Variants in PDE4D observed in about 807,000 individuals in gnomAD.
PDE4D encodes the protein phosphodiesterase 4D, also known as 3',5'-cyclic-AMP phosphodiesterase 4D.
Under a neutral mutation model 87.4 loss-of-function variants are expected in PDE4D, and 24 were observed. The ratio of observed to expected loss-of-function variants is 0.27; its 90% CI spans 0.20 to 0.39. The LOEUF is 0.39. PDE4D is among the 10% of genes least tolerant of loss of function. The pLI, the probability that PDE4D is intolerant of heterozygous loss-of-function variation, is 1.00. For synonymous variants in PDE4D, 384 were observed against 383.2 expected, an observed-to-expected ratio of 1.00 and a Z score of -0.02; for missense variants, 714 against 1,041.0, an observed-to-expected ratio of 0.69 and a Z score of 4.32.
intron 1 of PDE4D, among the ~76,000 whole-genome samples, chr5:59,612,323 C>T: frequency 6.8e-6 from 1 of 147,530 alleles, no homozygotes; most frequent in Non-Finnish European, 1.5e-5. Context: ...TTTTTTTTTA[C>T]AGATTCCAAC....
At chr5:60,097,265 TTGTGTG>T (rs57591657) in intron 2 of PDE4D, among the ~76,000 whole-genome samples, 2 of 146,480 alleles carry the variant, frequency 1.4e-5, no homozygotes, top group South Asian at 2.2e-4. Flanking sequence ...TGCTATGAAG[TTGTGTG>T]TGTGTGTGTG....
At chr5:59,574,016 A>G (rs1583179986) in intron 1 of PDE4D, among the ~76,000 whole-genome samples, 1 of 111,862 alleles carries the variant, frequency 8.9e-6, no homozygotes, top group Non-Finnish European at 1.8e-5. Context: ...ATATATATAT[A>G]TATATATATA....
At position 59,157,141 on chromosome 5, in the gene PDE4D, T is replaced by C. The variant is rs1581109742; in HGVS notation, c.808+23454A>G. Reference sequence around the variant, plus strand: ...TTAATGACATTAATACCCAGGATGGTACATTTCCATTGCTTCACAATTTTT... The same window carrying C: ...TTAATGACATTAATACCCAGGATGGCACATTTCCATTGCTTCACAATTTTT... On this transcript the variant is annotated intron_variant, in intron 5 of 14. Coordinates refer to ENST00000340635, the MANE Select transcript of PDE4D (RefSeq NM_001104631.2). The C allele has an allele frequency of 2.4e-5, 14 of 571,428 alleles. No individual in the cohort carries two copies. The South Asian group carries it at 3.2e-4, about 13-fold the overall frequency. The allele number at this position is 571,428 out of a possible 1,614,324, so 35.4% of individuals were successfully genotyped here. A position where few individuals can be genotyped will look rare whatever the true frequency, so the allele number is the denominator to read the frequency against.
At chr5:59,682,030 C>T (rs1423887753) in intron 1 of PDE4D, among the ~76,000 whole-genome samples, 1 of 151,990 alleles carries the variant, frequency 6.6e-6, no homozygotes, top group East Asian at 1.9e-4. Flanking sequence ...TCCTGAACTT[C>T]TCAGCCTCCA....
At chr5:59,326,164 G>A (rs1438088429) in intron 1 of PDE4D, among the ~76,000 whole-genome samples, 1 of 152,020 alleles carries the variant, frequency 6.6e-6, no homozygotes, top group African/African-American at 2.4e-5. Flanking sequence ...TATACCTAAT[G>A]CTAGATGACG....
At chr5:59,424,691 T>C (rs576351795) in intron 1 of PDE4D, among the ~76,000 whole-genome samples, 8 of 152,270 alleles carry the variant, frequency 5.3e-5, no homozygotes, top group Non-Finnish European at 8.8e-5. Flanking sequence ...AATTACCTGC[T>C]ACTAGGGTCC....
intron 1 of PDE4D, chr5:60,372,772 A>G (rs1339892620): frequency 6.6e-6 from 1 of 152,198 alleles, no homozygotes; most frequent in Non-Finnish European, 1.5e-5. Flanking sequence ...AAATTAGAAT[A>G]TTTCTTACCT....
chr5:60,416,336 C>T (rs910259481), intron 1 of PDE4D, among the ~76,000 whole-genome samples: 9 of 152,222 alleles, frequency 5.9e-5, no homozygotes, highest in African/African-American at 2.2e-4. Flanking sequence ...GGGTCCCCTT[C>T]CACACTGTAG....
intron 3 of PDE4D, among the ~76,000 whole-genome samples, chr5:59,985,633 C>T (rs1161372240): frequency 6.6e-6 from 1 of 152,098 alleles, no homozygotes; most frequent in Non-Finnish European, 1.5e-5. Context: ...TGAAATGAAA[C>T]CCTTGTTCCA....
At chr5:59,880,568 C>T (rs1749294730) in intron 1 of PDE4D, among the ~76,000 whole-genome samples, 1 of 152,164 alleles carries the variant, frequency 6.6e-6, no homozygotes, top group African/African-American at 2.4e-5. Context: ...ACTTCAGTGG[C>T]CCATCTTGTT....
intron 1 of PDE4D, among the ~76,000 whole-genome samples, chr5:60,467,577 C>T (rs1312806022): frequency 1.3e-5 from 2 of 152,176 alleles, no homozygotes; most frequent in African/African-American, 4.8e-5. Flanking sequence ...GCCATGCTTA[C>T]ACTGGCCCAA....
chr5:59,468,411 G>A (rs1353783034), intron 1 of PDE4D, among the ~76,000 whole-genome samples: 1 of 152,042 alleles, frequency 6.6e-6, no homozygotes, highest in Non-Finnish European at 1.5e-5. Flanking sequence ...CAGCATTAAG[G>A]AAGAAGAATA....
At chr5:60,281,205 C>T (rs1263441163) in intron 1 of PDE4D, among the ~76,000 whole-genome samples, 1 of 152,084 alleles carries the variant, frequency 6.6e-6, no homozygotes, top group Non-Finnish European at 1.5e-5. Context: ...TCTACCCCTC[C>T]CTCTCACTCT....
At chr5:59,564,202 G>C (rs1820519730) in intron 1 of PDE4D, among the ~76,000 whole-genome samples, 1 of 152,136 alleles carries the variant, frequency 6.6e-6, no homozygotes, top group African/African-American at 2.4e-5. Flanking sequence ...GTTATAAGCA[G>C]GTCTCAGCAT....
At chr5:59,326,887 C>G (rs140763735) in intron 1 of PDE4D, among the ~76,000 whole-genome samples, 2 of 152,210 alleles carry the variant, frequency 1.3e-5, no homozygotes, top group Admixed American at 6.5e-5. Context: ...ATGACTTCAT[C>G]ATTTCCCCAA....
chr5:59,996,956 T>C (rs1299488962), intron 2 of PDE4D, among the ~76,000 whole-genome samples: 1 of 152,156 alleles, frequency 6.6e-6, no homozygotes, highest in African/African-American at 2.4e-5. Context: ...GAAGTCCTTC[T>C]AAAGCCAATT....
At chr5:59,907,616 T>C (rs1752981756) in intron 3 of PDE4D, among the ~76,000 whole-genome samples, 1 of 152,146 alleles carries the variant, frequency 6.6e-6, no homozygotes, top group South Asian at 2.1e-4. Flanking sequence ...GAGAAAATAC[T>C]ATGTGGCAAG....
chr5:59,405,163 C>T (rs1237419026), intron 1 of PDE4D, among the ~76,000 whole-genome samples: 2 of 152,086 alleles, frequency 1.3e-5, no homozygotes, highest in African/African-American at 2.4e-5. Context: ...CTGAAGATTG[C>T]TTTGGGTACT....
At chr5:59,745,272 G>A (rs903710149) in intron 1 of PDE4D, among the ~76,000 whole-genome samples, 22 of 152,112 alleles carry the variant, frequency 1.4e-4, no homozygotes, top group Admixed American at 1.2e-3. Context: ...CAATCTCCAG[G>A]GGAAAAATTC....
Sources: allele counts gnomAD v4.1 joint callset (sites outside exome capture counted in the v4.1 genomes callset), GRCh38; gene constraint gnomAD v4.1.1; transcripts MANE v1.5; gene names NCBI Gene and HGNC (gene_info 2026-07-23, HGNC 2026-07-21).